Variants in SMG1 observed in about 807,000 individuals in gnomAD.
SMG1 encodes the protein serine/threonine-protein kinase SMG1.
In SMG1, 22 loss-of-function variants were observed where a neutral mutation model predicts 419.9. The observed-to-expected ratio is 0.05, with a 90% CI of 0.04 to 0.07. The LOEUF is 0.07. Ranked by LOEUF, SMG1 falls within the 10% of genes least tolerant of loss-of-function variation. The pLI is 1.00. For missense variants in SMG1, 3,185 were observed against 4,342.0 expected (o/e 0.73, Z 7.49); for synonymous variants, 1,538 against 1,553.5 (o/e 0.99, Z 0.23).
intron 1 of SMG1, among the ~76,000 whole-genome samples, chr16:18,905,251 ACT>A (rs906105549): frequency 1.2e-4 from 19 of 152,230 alleles, no homozygotes; most frequent in Admixed American, 7.9e-4. Flanking sequence ...ACAGTGTGAG[ACT>A]CTGACTCAAA....
rs1210562626 is a variant in SMG1, at chr16:18,879,305, G to C, written c.1518+190C>G. On this transcript the variant is annotated intron_variant, in intron 11 of 62. Coordinates refer to ENST00000446231, the MANE Select transcript of SMG1 (RefSeq NM_015092.5). Reference sequence around the variant, plus strand: ...TAATTTTTGACTTTTTGTACAGATGGGGTCTCACTACATTGCCCAAGCTGT... The same window carrying C: ...TAATTTTTGACTTTTTGTACAGATGCGGTCTCACTACATTGCCCAAGCTGT... 6.9e-6 allele frequency: 4 copies of C among 577,196 alleles called. No homozygotes were observed. The African/African-American group carries it at 7.5e-5, about 11-fold the overall frequency. The allele number at this position is 577,196 out of a possible 1,614,324, so 35.8% of individuals were successfully genotyped here. A position where few individuals can be genotyped will look rare whatever the true frequency, so the allele number is the denominator to read the frequency against.
At chr16:18,874,736 G>A (rs891416728) in intron 13 of SMG1, among the ~76,000 whole-genome samples, 11 of 150,476 alleles carry the variant, frequency 7.3e-5, no homozygotes, top group African/African-American at 2.4e-5. Context: ...CGTAGTGGTA[G>A]GTGTCTGTAA....
intron 4 of SMG1, 42 bp from the exon 5 acceptor site, chr16:18,890,963 A>T: frequency 1.1e-6 from 1 of 923,850 alleles, no homozygotes; most frequent in Admixed American, 1.8e-5. Context: ...AAATTCCTAT[A>T]CTTTTAAGAA....
chr16:18,922,306 A>C (rs546840301), intron 1 of SMG1, among the ~76,000 whole-genome samples: 139 of 152,318 alleles, frequency 9.1e-4, no homozygotes, highest in African/African-American at 3.0e-3. Context: ...TAAAGAGGGC[A>C]ACCTCCATAG....
chr16:18,850,919 G>GT (rs571616560), intron 33 of SMG1, among the ~76,000 whole-genome samples: 54 of 152,142 alleles, frequency 3.5e-4, no homozygotes, highest in Middle Eastern at 6.8e-3. Flanking sequence ...ACGCCCTGCT[G>GT]TTTTTTTGTG....
chr16:18,810,743 T>G (rs1312885590), intron 62 of SMG1, among the ~76,000 whole-genome samples: 1 of 152,182 alleles, frequency 6.6e-6, no homozygotes, highest in African/African-American at 2.4e-5. Flanking sequence ...GATAATAGTA[T>G]TACAACAATG....
intron 39 of SMG1, among the ~76,000 whole-genome samples, chr16:18,845,182 G>A (rs1163617995): frequency 6.6e-6 from 1 of 152,174 alleles, no homozygotes; most frequent in Admixed American, 6.5e-5. Flanking sequence ...GTTGTTCACT[G>A]GTGTGAGCCT....
intron 1 of SMG1, among the ~76,000 whole-genome samples, chr16:18,905,286 A>C (rs546580736): frequency 6.6e-6 from 1 of 152,106 alleles, no homozygotes; most frequent in East Asian, 1.9e-4. Context: ...AAACAAAAAA[A>C]CCCTTTAACT....
At position 18,833,203 on chromosome 16, in the gene SMG1, T is replaced by G. The variant is rs745448825; in HGVS notation, c.8566-37A>C. ...TGAGAAAAAAACTTTTAATGTTTTTTGAGTTTAGCTAAGTTACACATTTGG... is the reference window on the plus strand; with the variant it reads ...TGAGAAAAAAACTTTTAATGTTTTTGGAGTTTAGCTAAGTTACACATTTGG... On this transcript the variant is annotated intron_variant, in intron 50 of 62. Coordinates refer to ENST00000446231, the MANE Select transcript of SMG1 (RefSeq NM_015092.5). 6.5e-6 allele frequency: 10 copies of G among 1,546,792 alleles called. No individual in the cohort carries two copies. In the East Asian group the frequency reaches 1.4e-4, roughly 22 times the overall value.
intron 60 of SMG1, among the ~76,000 whole-genome samples, chr16:18,814,342 TA>T (rs2031782108): frequency 6.6e-6 from 1 of 150,854 alleles, no homozygotes; most frequent in Non-Finnish European, 1.5e-5. Context: ...TATATATATA[TA>T]TTTTTTTTAG....
rs199828620 is a variant in SMG1 at position 18,842,341 on chromosome 16, C to T, written c.6333G>A (p.Gly2111=). ...AMTNTEIALP[G]EVSARDTVTI... ...TGACAGTGTCTCTGGCTGAGACTTC[C>T]CCAGGAAGAGCAATTTCAGTGTTAG... The change falls in exon 40 of 63, where the codon GGG becomes GGA. Residue 2111 remains glycine, a synonymous_variant. Coordinates refer to ENST00000446231, the MANE Select transcript of SMG1 (RefSeq NM_015092.5). 1.2e-5 allele frequency: 20 copies of T among 1,613,950 alleles called. 1 individual carries two copies. The East Asian group carries it at 2.9e-4, about 23-fold the overall frequency.
At chr16:18,859,000 G>A in intron 28 of SMG1, 22 bp downstream of exon 28, 2 of 1,433,370 alleles carry the variant, frequency 1.4e-6, no homozygotes, top group East Asian at 2.4e-5. Context: ...TCATAAGAGT[G>A]TGCTTGTAAA....
At chr16:18,883,918 C>CAAAAAAA (rs66595727) in intron 9 of SMG1, among the ~76,000 whole-genome samples, 152 bp downstream of exon 9, 1 of 96,928 alleles carries the variant, frequency 1.0e-5, no homozygotes. Context: ...GACTCCATCT[C>CAAAAAAA]AAAAAAAAAA....
chr16:18,875,896 A>AT, intron 13 of SMG1: 1 of 551,806 alleles, frequency 1.8e-6, no homozygotes. Context: ...TAAAACTAAT[A>AT]TAAAAAAACT....
chr16:18,902,761 T>A (rs9922355), intron 1 of SMG1, among the ~76,000 whole-genome samples: 10,617 of 151,834 alleles, frequency 0.07, 379 homozygotes, highest in African/African-American at 0.094. Context: ...TAGTATTAGA[T>A]GCAAGGGTCA....
chr16:18,861,127 T>G (rs1350099752), intron 25 of SMG1: 1 of 163,576 alleles, frequency 6.1e-6, no homozygotes, highest in African/African-American at 2.5e-5. Context: ...CACCCAGTTC[T>G]CTCCAAGCTG....
rs2034216173 is a variant in SMG1, at chr16:18,845,656, C to T, written c.5997-5G>A. 1 of 1,597,768 alleles carries T rather than the reference C, an allele frequency of 6.3e-7. No homozygotes were observed. Among genetic ancestry groups the T allele is most frequent in the African/African-American group, 1.3e-5 (1 of 74,140 alleles). On this transcript the variant is annotated splice_polypyrimidine_tract_variant and splice_region_variant and intron_variant, in intron 38 of 62. Coordinates refer to ENST00000446231, the MANE Select transcript of SMG1 (RefSeq NM_015092.5). ...ATGATTGCAATTTTCTCTTCTCTGA[C>T]CAAGAAGACATTTTTATTCAAAAAC...
chr16:18,907,868 A>AAAAG (rs1555505977), intron 1 of SMG1, among the ~76,000 whole-genome samples: 15 of 142,754 alleles, frequency 1.1e-4, no homozygotes, highest in African/African-American at 2.4e-4. Flanking sequence ...AAAAAAAAAA[A>AAAAG]AGAGACCCTA....
intron 11 of SMG1, chr16:18,879,053 T>C (rs2036270625): frequency 4.8e-6 from 1 of 207,514 alleles, no homozygotes; most frequent in South Asian, 7.5e-5. Flanking sequence ...GACACTAAAA[T>C]GAAAGCACAG....
Sources: gnomAD v4.1 joint callset for allele counts (sites outside exome capture counted in the v4.1 genomes callset) on GRCh38, gnomAD v4.1.1 for gene constraint, MANE v1.5 for transcripts, NCBI Gene and HGNC (gene_info 2026-07-23, HGNC 2026-07-21) for gene names.